The following TBC1D21 variants were observed in gnomAD, a reference collection of about 807,000 sequenced individuals.
TBC1D21 encodes male germ cell Rab GTPase-activating protein.
Under a neutral mutation model 46.0 loss-of-function variants are expected in TBC1D21, and 38 were observed. The observed-to-expected ratio is 0.83, with a 90% CI of 0.64 to 1.08. The LOEUF (loss-of-function observed/expected upper bound fraction) is 1.08, where lower values mean the gene tolerates loss of function less well. Among genes scored for constraint, TBC1D21 ranks in the 50% least tolerant of loss-of-function variants. The probability of loss-of-function intolerance (pLI) is 0.00; values close to 1 mark genes in which losing one functional copy is unlikely to be tolerated. For synonymous variants in TBC1D21, 151 were observed against 157.2 expected (o/e 0.96, Z 0.29); for missense variants, 415 against 417.9 (o/e 0.99, Z 0.06).
In TBC1D21 at chr15:73,875,280, AGAAGGAAGGAAGGAGG is replaced by A. The variant is rs1291567280; in HGVS notation, c.60+1518_60+1533del. Among the ~76,000 whole-genome samples, 12 of 132,450 alleles carry A rather than the reference AGAAGGAAGGAAGGAGG, an allele frequency of 9.1e-5. No homozygotes were observed. In the South Asian group the frequency reaches 2.5e-3, roughly 27 times the overall value. 86.9% of individuals were successfully genotyped at this position (132,450 alleles called of 152,430 possible). ...AAAAAAAGAAGAAGAAGAAGAAGAA[AGAAGGAAGGAAGGAGG>A]GAAGGAGGGAAGAAGGGAAGGAAGG... is the stretch of plus-strand genomic sequence containing the variant. On this transcript the variant is annotated intron_variant, in intron 1 of 10. Coordinates refer to ENST00000300504, the MANE Select transcript of TBC1D21 (RefSeq NM_153356.3).
chr15:73,884,815 C>T lies in TBC1D21; in HGVS notation c.402C>T (p.Pro134=), dbSNP rs1273189364. ...RDIQKIYDKD[P]LGNVLIDKKR... is the part of the protein sequence containing the mutation. ...TTCAGAAAATCTATGACAAAGATCC[C>T]CTGGGCAACGTCCTCATCGACAAGA... Residue 134 remains proline (P), a synonymous_variant, in exon 5 of 11, where the codon CCC becomes CCT. Transcript: ENST00000300504. 3 of 1,614,022 alleles carry T rather than the reference C, an allele frequency of 1.9e-6. No homozygotes were observed. Among genetic ancestry groups the T allele is most frequent in the Non-Finnish European group, 1.7e-6 (2 of 1,180,028 alleles).
rs756014993 is a variant in TBC1D21 at position 73,886,525 on chromosome 15, A to G, written c.690A>G (p.Ala230=). 25 of 1,613,578 alleles carry G rather than the reference A, an allele frequency of 1.5e-5. No homozygotes were observed. The highest frequency in any genetic ancestry group is 3.5e-4 in the Middle Eastern group (2 of 5,740). Residue 230 remains alanine (A), a synonymous_variant, in exon 8 of 11, where the codon GCA becomes GCG. Transcript: ENST00000300504. Reference sequence around the variant, plus strand: ...CTCTCCCCACAGAAGGGAAGGGTGCAGGGGCTGTGCAGTCCCTCTTCCCCT... The same window carrying G: ...CTCTCCCCACAGAAGGGAAGGGTGCGGGGGCTGTGCAGTCCCTCTTCCCCT... ...VFAEHLKGKG[A]GAVQSLFPWF...
At chr15:73,876,221 T>TTTTTGTTTG in intron 1 of TBC1D21, among the ~76,000 whole-genome samples, 1 of 36,386 alleles carries the variant, frequency 2.7e-5, no homozygotes, top group African/African-American at 1.8e-4. Flanking sequence ...TTTTTTTTTT[T>TTTTTGTTTG]TTTTTTTTTT....
chr15:73,899,268 C>G, the TBC1D21 span, among the ~76,000 whole-genome samples: 1 of 152,126 alleles, frequency 6.6e-6, no homozygotes, highest in African/African-American at 2.4e-5. Flanking sequence ...CTCCATGGCC[C>G]CTGGCTCACA....
chr15:73,889,184 C>T lies in TBC1D21; in HGVS notation c.*83C>T. 6.8e-7 allele frequency: 1 copy of T among 1,470,126 alleles called. No homozygotes were observed. Among genetic ancestry groups the T allele is most frequent in the Non-Finnish European group, 9.4e-7 (1 of 1,063,186 alleles). 91.1% of individuals were successfully genotyped at this position (1,470,126 alleles called of 1,614,324 possible). On this transcript the variant is annotated 3_prime_UTR_variant, in exon 11 of 11. Transcript: ENST00000300504. ...CACTGGAGTGAGGGAGTAGATAAAA[C>T]AGCTGCAATATAAACAGTCCTCTGG... is the stretch of plus-strand genomic sequence containing the variant.
chr15:73,888,931 C>A lies in TBC1D21; in HGVS notation c.979-138C>A, dbSNP rs1232763580. ...CAGGCTGTACTACTTGAGAGCAGGG[C>A]CCTCATCCCCCATTCCCTGTGTCCA... On this transcript the variant is annotated intron_variant, in intron 10 of 10. Coordinates refer to ENST00000300504, the MANE Select transcript of TBC1D21 (RefSeq NM_153356.3). 5 of 976,116 alleles carry A rather than the reference C, an allele frequency of 5.1e-6. No homozygotes were observed. The Admixed American group carries it at 6.2e-5, about 12-fold the overall frequency. The allele number at this position is 976,116 out of a possible 1,614,324, so 60.5% of individuals were successfully genotyped here. A position where few individuals can be genotyped will look rare whatever the true frequency, so the allele number is the denominator to read the frequency against.
intron 10 of TBC1D21, 51 bp downstream of exon 10, chr15:73,888,564 T>TTCCTCCTCCTCCTCTTCC: frequency 8.8e-7 from 1 of 1,130,890 alleles, no homozygotes; most frequent in African/African-American, 2.5e-5. Flanking sequence ...CCTCCTCCTC[T>TTCCTCCTCCTCCTCTTCC]TCCTCCTCCT....
the TBC1D21 span, among the ~76,000 whole-genome samples, chr15:73,903,181 G>A: frequency 0.22 from 33,046 of 152,078 alleles, 4,448 homozygotes; most frequent in East Asian, 0.68. Flanking sequence ...GTGCTGCCCA[G>A]TCCACAGGAC....
chr15:73,888,639 TTCTTCTTCCTCCTCC>T (rs1480860480), intron 10 of TBC1D21, 126 bp downstream of exon 10: 29 of 673,968 alleles, frequency 4.3e-5, no homozygotes, highest in East Asian at 1.1e-4. Flanking sequence ...CCTCCTCCTC[TTCTTCTTCCTCCTCC>T]TCTTCTTCCT....
chr15:73,880,396 A>C (rs1387810319), intron 1 of TBC1D21, among the ~76,000 whole-genome samples: 6 of 152,096 alleles, frequency 3.9e-5, no homozygotes, highest in Admixed American at 2.6e-4. Context: ...GGTAAAGTGG[A>C]GCTCATAACT....
downstream of TBC1D21, among the ~76,000 whole-genome samples, chr15:73,890,686 G>C (rs1193353975): frequency 6.6e-6 from 1 of 151,962 alleles, no homozygotes; most frequent in Middle Eastern, 3.2e-3. Context: ...GATTATTTTT[G>C]GTTGGGACCT....
chr15:73,893,070 CTG>C (rs1479496499), downstream of TBC1D21, among the ~76,000 whole-genome samples: 2 of 152,064 alleles, frequency 1.3e-5, no homozygotes, highest in South Asian at 2.1e-4. Context: ...GATGTCATCA[CTG>C]GTGGTGGTGA....
At chr15:73,891,297 C>A (rs1010846433), downstream of TBC1D21, among the ~76,000 whole-genome samples, 1 of 152,164 alleles carries the variant, frequency 6.6e-6, no homozygotes, top group Non-Finnish European at 1.5e-5. Flanking sequence ...ATCCTAGAGC[C>A]TAAGTTTGTG....
At chr15:73,895,268 A>T in the TBC1D21 span, among the ~76,000 whole-genome samples, 3 of 152,208 alleles carry the variant, frequency 2.0e-5, no homozygotes, top group African/African-American at 7.2e-5. Flanking sequence ...GAGTTCAAGG[A>T]AGTCCTCACA....
chr15:73,909,392 G>A, the TBC1D21 span, among the ~76,000 whole-genome samples: 10 of 151,864 alleles, frequency 6.6e-5, no homozygotes, highest in African/African-American at 2.4e-4. Context: ...CACATAGAGT[G>A]CAGCCCAGGG....
the TBC1D21 span, among the ~76,000 whole-genome samples, chr15:73,899,699 G>A: frequency 3.3e-5 from 5 of 152,126 alleles, no homozygotes; most frequent in East Asian, 1.9e-4. Flanking sequence ...GCTAAATGCC[G>A]AGCCTGGACA....
chr15:73,880,482 C>A (rs2068134411), intron 1 of TBC1D21, among the ~76,000 whole-genome samples: 1 of 151,962 alleles, frequency 6.6e-6, no homozygotes, highest in Admixed American at 6.6e-5. Context: ...TTTAAAAATA[C>A]AAGAAAGGCC....
At chr15:73,909,588 T>A in the TBC1D21 span, among the ~76,000 whole-genome samples, 4 of 151,866 alleles carry the variant, frequency 2.6e-5, no homozygotes, top group African/African-American at 9.7e-5. Context: ...AAGGCCATGA[T>A]GTCAGGCTGT....
chr15:73,881,056 C>T (rs926966175), intron 1 of TBC1D21, among the ~76,000 whole-genome samples: 1 of 152,092 alleles, frequency 6.6e-6, no homozygotes, highest in Non-Finnish European at 1.5e-5. Context: ...TTTCTGTTAA[C>T]ATTTGTATTT....
Sources: allele counts gnomAD v4.1 joint callset (sites outside exome capture counted in the v4.1 genomes callset), GRCh38; gene constraint gnomAD v4.1.1; transcripts MANE v1.5; gene names NCBI Gene and HGNC (gene_info 2026-07-23, HGNC 2026-07-21).